The following BAIAP2 variants were observed in gnomAD, a reference collection of about 807,000 sequenced individuals.
BAIAP2 encodes the protein BAR/IMD domain-containing adapter protein 2.
BAIAP2 carries 18 observed loss-of-function variants against 63.0 expected under a neutral mutation model. That is an observed-to-expected ratio of 0.29 (90% CI 0.20 to 0.42). The LOEUF (loss-of-function observed/expected upper bound fraction) is 0.42, where lower values mean the gene tolerates loss of function less well. Ranked by LOEUF, BAIAP2 falls within the 10% of genes least tolerant of loss-of-function variation. The probability of loss-of-function intolerance (pLI) is 1.00; values close to 1 mark genes in which losing one functional copy is unlikely to be tolerated. For synonymous variants in BAIAP2, 386 were observed against 307.6 expected (o/e 1.25, Z -2.67); for missense variants, 610 against 734.3 (o/e 0.83, Z 1.96).
intron 1 of BAIAP2, among the ~76,000 whole-genome samples, chr17:81,043,995 T>C (rs1208853769): frequency 2.0e-5 from 3 of 152,234 alleles, no homozygotes; most frequent in Non-Finnish European, 4.4e-5. Context: ...CAGAAAGTTC[T>C]TCAGAGATCA....
chr17:81,116,479 T>G lies in BAIAP2; in HGVS notation c.*640T>G. The G allele has an allele frequency of 2.4e-6, 2 of 818,202 alleles. No homozygotes were observed. Among genetic ancestry groups the G allele is most frequent in the Non-Finnish European group, 1.9e-6 (1 of 536,206 alleles). The allele number at this position is 818,202 out of a possible 1,614,324, so 50.7% of individuals were successfully genotyped here. A position where few individuals can be genotyped will look rare whatever the true frequency, so the allele number is the denominator to read the frequency against. ...CTCGGGCAGGCCCCAGCCCTCCTCC[T>G]TACCCAACCTCCCATCCAGAACCTT... On this transcript the variant is annotated 3_prime_UTR_variant, in exon 14 of 14. Transcript: ENST00000428708.
chr17:81,062,091 G>A (rs769951200), intron 3 of BAIAP2, among the ~76,000 whole-genome samples: 1 of 151,790 alleles, frequency 6.6e-6, no homozygotes, highest in African/African-American at 2.4e-5. Flanking sequence ...TATAGGCACC[G>A]GCCACCACAC....
At chr17:81,080,105 C>T (rs934196827) in intron 3 of BAIAP2, among the ~76,000 whole-genome samples, 4 of 152,232 alleles carry the variant, frequency 2.6e-5, no homozygotes, top group African/African-American at 7.2e-5. Flanking sequence ...CTGCCCCTAC[C>T]GGTGCCTCTC....
At chr17:81,040,410 C>A (rs1233893868) in intron 1 of BAIAP2, among the ~76,000 whole-genome samples, 1 of 152,244 alleles carries the variant, frequency 6.6e-6, no homozygotes, top group Non-Finnish European at 1.5e-5. Flanking sequence ...CTCCCCCGAG[C>A]GCTGATTCAT....
At chr17:81,110,340 A>T (rs1435737612) in intron 13 of BAIAP2, 1 of 986,302 alleles carries the variant, frequency 1.0e-6, no homozygotes, top group African/African-American at 1.7e-5. Context: ...AAAGATTTCA[A>T]ATCCAGGGGA....
chr17:81,110,798 C>G, intron 13 of BAIAP2: 1 of 1,396,054 alleles, frequency 7.2e-7, no homozygotes, highest in South Asian at 1.2e-5. Flanking sequence ...TGTGCCGACT[C>G]CGAGTGCTCC....
chr17:81,048,799 C>G (rs927604440), intron 1 of BAIAP2, among the ~76,000 whole-genome samples: 1 of 152,152 alleles, frequency 6.6e-6, no homozygotes. Context: ...CCATGCGACT[C>G]CAGGGCCACT....
At chr17:81,088,735 G>A (rs1238192119) in intron 6 of BAIAP2, among the ~76,000 whole-genome samples, 4 of 152,328 alleles carry the variant, frequency 2.6e-5, no homozygotes, top group Middle Eastern at 3.4e-3. Flanking sequence ...TGGCTAAATC[G>A]TGTTCCATCG....
At chr17:81,055,853 A>C (rs916357719) in intron 2 of BAIAP2, among the ~76,000 whole-genome samples, 3 of 151,952 alleles carry the variant, frequency 2.0e-5, no homozygotes, top group African/African-American at 7.3e-5. Flanking sequence ...GGGGTGAGCC[A>C]CCGCGCCCGG....
intron 6 of BAIAP2, among the ~76,000 whole-genome samples, chr17:81,093,365 C>A (rs1164694736): frequency 6.6e-6 from 1 of 152,044 alleles, no homozygotes; most frequent in African/African-American, 2.4e-5. Context: ...CCACTCACCA[C>A]CTCCTGGGGC....
In BAIAP2 at chr17:81,106,865, C is replaced by T; in HGVS notation, c.1458C>T (p.Phe486=). ...RAFPAQTASG[F]KQRPYSVAVP... ...TCCCCGCCCAGACGGCCAGCGGCTT[C>T]AAGCAGAGGCCCTACAGTGTGGCCG... Residue 486 remains phenylalanine (F), a synonymous_variant, in exon 12 of 14, where the codon TTC becomes TTT. Coordinates refer to ENST00000428708, the MANE Select transcript of BAIAP2 (RefSeq NM_001144888.2). The T allele has an allele frequency of 2.5e-6, 4 of 1,604,344 alleles. No homozygotes were observed. The highest frequency in any genetic ancestry group is 3.4e-6 in the Non-Finnish European group (4 of 1,175,774).
At chr17:81,072,146 T>C (rs1355664720) in intron 3 of BAIAP2, among the ~76,000 whole-genome samples, 1 of 152,200 alleles carries the variant, frequency 6.6e-6, no homozygotes, top group African/African-American at 2.4e-5. Flanking sequence ...CCTCAGAAGC[T>C]TGGGGAGGGT....
In BAIAP2 at chr17:81,106,060, C is replaced by T. The variant is rs2059147953; in HGVS notation, c.1269-18C>T. ...CCTCTGGGCTGAGCGTGGCTCTTAC[C>T]TGGGGCCTCTCTTCCAGGCGGGGCT... On this transcript the variant is annotated intron_variant, in intron 10 of 13. Coordinates refer to ENST00000428708, the MANE Select transcript of BAIAP2 (RefSeq NM_001144888.2). The T allele has an allele frequency of 6.4e-7, 1 of 1,565,474 alleles. No homozygotes were observed. The highest frequency in any genetic ancestry group is 8.7e-7 in the Non-Finnish European group (1 of 1,154,740).
Position 81,055,569 on chromosome 17 carries a change from G to GGTTTTTTTTTTTTTTTTTTTTTTTTTTTT in BAIAP2, c.130+1826_130+1827insGTTTTTTTTTTTTTTTTTTTTTTTTTTTT, listed in dbSNP as rs138656369. ...TTCCTCCAGCGAAAGTCTGCAGGGT[G>GGTTTTTTTTTTTTTTTTTTTTTTTTTTTT]TTTTGTTTTTTTTTGAGACGGAGTC... On this transcript the variant is annotated intron_variant, in intron 2 of 13. Coordinates refer to ENST00000428708, the MANE Select transcript of BAIAP2 (RefSeq NM_001144888.2). Among the ~76,000 whole-genome samples the GGTTTTTTTTTTTTTTTTTTTTTTTTTTTT allele has an allele frequency of 3.5e-3, 326 of 93,576 alleles. 39 individuals carry two copies. The highest frequency in any genetic ancestry group is 8.4e-3 in the Admixed American group (69 of 8,182). The allele number at this position is 93,576 out of a possible 152,430, so 61.4% of individuals were successfully genotyped here.
At chr17:81,037,387 C>T (rs897311344) in intron 1 of BAIAP2, among the ~76,000 whole-genome samples, 12 of 152,254 alleles carry the variant, frequency 7.9e-5, no homozygotes, top group African/African-American at 2.7e-4. Flanking sequence ...AGGTAGGTGG[C>T]TCCTGCTGCC....
chr17:81,101,886 C>T (rs1036139179), intron 7 of BAIAP2, among the ~76,000 whole-genome samples: 1 of 152,216 alleles, frequency 6.6e-6, no homozygotes, highest in East Asian at 1.9e-4. Flanking sequence ...CGCTGTGGAG[C>T]GCAGGCCTCC....
At chr17:81,049,785 T>C (rs1411461987) in intron 1 of BAIAP2, among the ~76,000 whole-genome samples, 1 of 152,190 alleles carries the variant, frequency 6.6e-6, no homozygotes, top group African/African-American at 2.4e-5. Flanking sequence ...AAAGTGCCTG[T>C]TGGCTATGGG....
intron 6 of BAIAP2, among the ~76,000 whole-genome samples, chr17:81,094,652 T>A (rs1215955509): frequency 2.6e-5 from 4 of 152,184 alleles, no homozygotes; most frequent in Non-Finnish European, 5.9e-5. Context: ...CCACCTGCCA[T>A]GCTGCCCTCC....
chr17:81,110,255 G>A (rs947649774), intron 13 of BAIAP2: 21 of 881,330 alleles, frequency 2.4e-5, no homozygotes, highest in East Asian at 3.0e-4. Context: ...CGCGGACCGC[G>A]TGACATTAAG....
Sources: gnomAD v4.1 joint callset for allele counts (sites outside exome capture counted in the v4.1 genomes callset) on GRCh38, gnomAD v4.1.1 for gene constraint, MANE v1.5 for transcripts, NCBI Gene and HGNC (gene_info 2026-07-23, HGNC 2026-07-21) for gene names.